Variants in AUTS2 observed in about 807,000 individuals in gnomAD.
AUTS2 encodes activator of transcription and developmental regulator AUTS2, also known as autism susceptibility gene 2 protein.
Under a neutral mutation model 112.4 loss-of-function variants are expected in AUTS2, and 17 were observed. The observed-to-expected ratio is 0.15, with a 90% CI of 0.10 to 0.23. The LOEUF is 0.23. Among genes scored for constraint, AUTS2 ranks in the 10% least tolerant of loss-of-function variants. The probability of loss-of-function intolerance (pLI) is 1.00; values close to 1 mark genes in which losing one functional copy is unlikely to be tolerated. For missense variants in AUTS2, 1,510 were observed against 1,701.6 expected (o/e 0.89, Z 1.98); for synonymous variants, 751 against 702.7 (o/e 1.07, Z -1.09).
intron 1 of AUTS2, among the ~76,000 whole-genome samples, chr7:69,804,668 C>T (rs1020650271): frequency 2.6e-5 from 4 of 152,216 alleles, no homozygotes; most frequent in African/African-American, 9.6e-5. Context: ...CCCACAGTTA[C>T]ATGGATGGTG....
intron 1 of AUTS2, among the ~76,000 whole-genome samples, chr7:69,797,968 C>T (rs1006216574): frequency 2.6e-5 from 4 of 152,032 alleles, no homozygotes; most frequent in Non-Finnish European, 4.4e-5. Context: ...GGTAACTTGG[C>T]TATGCTACTG....
At chr7:70,047,007 A>G (rs1301975648) in intron 2 of AUTS2, among the ~76,000 whole-genome samples, 1 of 152,178 alleles carries the variant, frequency 6.6e-6, no homozygotes, top group Admixed American at 6.5e-5. Flanking sequence ...TAAAATTTGT[A>G]ATCTGGTTTA....
chr7:70,633,569 C>T (rs1285633356), intron 5 of AUTS2, among the ~76,000 whole-genome samples: 2 of 147,892 alleles, frequency 1.4e-5, no homozygotes, highest in Admixed American at 6.8e-5. Context: ...TGAGATCCCA[C>T]CACTGCACTC....
intron 4 of AUTS2, among the ~76,000 whole-genome samples, chr7:70,242,350 G>A (rs1031462890): frequency 3.9e-5 from 6 of 152,114 alleles, no homozygotes; most frequent in Non-Finnish European, 4.4e-5. Context: ...ATCTTCAGAG[G>A]CCTCTCAGTT....
rs1448621365 is a variant in AUTS2, at chr7:70,763,307, T to C, written c.1180T>C (p.Tyr394His). Reference sequence around the variant, plus strand: ...GAGCCTCTCCCAGCCATTGTCAGCCTACAACAGCAGTAGCTTAAGCCTCAA... The same window carrying C: ...GAGCCTCTCCCAGCCATTGTCAGCCCACAACAGCAGTAGCTTAAGCCTCAA... The part of the protein sequence containing the change: ...AQSLSQPLSA[Y>H]NSSSLSLNSL... The change falls in exon 7 of 19, where the codon TAC becomes CAC. Residue 394 changes from tyrosine (Y) to histidine (H), a missense_variant. Transcript: ENST00000342771. The C allele has an allele frequency of 6.3e-7, 1 of 1,597,648 alleles. No individual in the cohort carries two copies. The highest frequency in any genetic ancestry group is 2.2e-5 in the East Asian group (1 of 44,632).
intron 4 of AUTS2, among the ~76,000 whole-genome samples, chr7:70,177,918 G>GTT (rs765470016): frequency 2.4e-4 from 33 of 134,846 alleles, no homozygotes; most frequent in Middle Eastern, 3.9e-3. Flanking sequence ...ACATAATTCT[G>GTT]TTTTTTTTTT....
chr7:70,045,916 C>T (rs1036284524), intron 2 of AUTS2, among the ~76,000 whole-genome samples: 2 of 151,874 alleles, frequency 1.3e-5, no homozygotes, highest in African/African-American at 2.4e-5. Flanking sequence ...TGAGCCACTG[C>T]GCCTGGCCTT....
At chr7:70,012,219 C>T (rs892638676) in intron 2 of AUTS2, among the ~76,000 whole-genome samples, 2 of 152,072 alleles carry the variant, frequency 1.3e-5, no homozygotes, top group African/African-American at 2.4e-5. Context: ...GGAATAAGTT[C>T]AAAGGGGTGG....
At chr7:69,768,451 T>C (rs985249826) in intron 1 of AUTS2, among the ~76,000 whole-genome samples, 1 of 152,306 alleles carries the variant, frequency 6.6e-6, no homozygotes, top group East Asian at 1.9e-4. Flanking sequence ...CCCTGGAGTG[T>C]AGCCTGTGAG....
At chr7:69,895,841 A>G (rs1001988592) in intron 1 of AUTS2, among the ~76,000 whole-genome samples, 1 of 152,246 alleles carries the variant, frequency 6.6e-6, no homozygotes, top group Non-Finnish European at 1.5e-5. Flanking sequence ...TGGTCTCCAA[A>G]GAGAATGGCA....
intron 1 of AUTS2, among the ~76,000 whole-genome samples, chr7:69,617,673 T>C (rs1370738905): frequency 6.6e-6 from 1 of 152,216 alleles, no homozygotes; most frequent in Non-Finnish European, 1.5e-5. Flanking sequence ...ACCCAGCTGA[T>C]GTATAAACAA....
At chr7:70,139,250 A>G (rs1411872543) in intron 4 of AUTS2, among the ~76,000 whole-genome samples, 1 of 152,230 alleles carries the variant, frequency 6.6e-6, no homozygotes, top group Admixed American at 6.5e-5. Context: ...TACAGGCGTG[A>G]GCCACCATGC....
chr7:69,709,039 A>G (rs1404577176), intron 1 of AUTS2, among the ~76,000 whole-genome samples: 2 of 152,112 alleles, frequency 1.3e-5, no homozygotes, highest in Admixed American at 6.5e-5. Context: ...TGTACTAAGT[A>G]CTTGTTTCCT....
At chr7:70,690,425 T>G (rs1808697486) in intron 5 of AUTS2, among the ~76,000 whole-genome samples, 1 of 152,106 alleles carries the variant, frequency 6.6e-6, no homozygotes, top group Non-Finnish European at 1.5e-5. Flanking sequence ...TCGAGGAAAT[T>G]CTGGTGAAGA....
At chr7:69,860,346 T>A (rs1227167083) in intron 1 of AUTS2, among the ~76,000 whole-genome samples, 1 of 152,004 alleles carries the variant, frequency 6.6e-6, no homozygotes, top group Non-Finnish European at 1.5e-5. Flanking sequence ...ATCAGGGATT[T>A]AAAAAAAACT....
At chr7:70,437,354 T>A (rs1337357686) in intron 5 of AUTS2, 2 of 152,414 alleles carry the variant, frequency 1.3e-5, no homozygotes, top group African/African-American at 2.4e-5. Context: ...CAAGACACGG[T>A]CATTGGCCCC....
chr7:70,100,944 C>T (rs1042919723), intron 2 of AUTS2, among the ~76,000 whole-genome samples: 5 of 152,136 alleles, frequency 3.3e-5, no homozygotes, highest in Admixed American at 6.5e-5. Flanking sequence ...GTGGCATGAT[C>T]TCGGCTCACT....
At chr7:70,115,398 C>T (rs1805305500) in intron 2 of AUTS2, among the ~76,000 whole-genome samples, 1 of 152,210 alleles carries the variant, frequency 6.6e-6, no homozygotes, top group African/African-American at 2.4e-5. Flanking sequence ...TGGTCTCGAA[C>T]TCCTGGGCTC....
At chr7:70,695,547 C>T (rs1020153525) in intron 5 of AUTS2, among the ~76,000 whole-genome samples, 1 of 152,154 alleles carries the variant, frequency 6.6e-6, no homozygotes. Context: ...TTTTGTTGTT[C>T]GAAAGCCCCC....
Sources: gnomAD v4.1 joint callset for allele counts (sites outside exome capture counted in the v4.1 genomes callset) on GRCh38, gnomAD v4.1.1 for gene constraint, MANE v1.5 for transcripts, NCBI Gene and HGNC (gene_info 2026-07-23, HGNC 2026-07-21) for gene names.